PIN4: variants seen among roughly 807,000 people sequenced by gnomAD.
PIN4 encodes the protein peptidyl-prolyl cis-trans isomerase NIMA-interacting 4.
A neutral mutation model predicts 8.3 loss-of-function variants in PIN4; 3 were observed. That is an observed-to-expected ratio of 0.36 (90% CI 0.16 to 0.93). PIN4 has a LOEUF of 0.93. Among genes scored for constraint, PIN4 ranks in the 40% least tolerant of loss-of-function variants. PIN4 has a pLI of 0.44. For synonymous variants in PIN4, 18 were observed against 32.5 expected (o/e 0.55, Z 1.52); for missense variants, 75 against 100.6 (o/e 0.75, Z 1.09).
At chrX:72,187,186 C>T (rs2042707966) in intron 2 of PIN4, among the ~76,000 whole-genome samples, 1 of 111,808 alleles carries the variant, frequency 8.9e-6, no homozygotes, top group African/African-American at 3.2e-5. Flanking sequence ...AATAAACAGG[C>T]AAGGGTGCAG....
intron 3 of PIN4, chrX:72,205,372 T>G: frequency 4.1e-6 from 5 of 1,212,174 alleles, no homozygotes; most frequent in Non-Finnish European, 5.6e-6. Flanking sequence ...ACTGCTTTCC[T>G]CCACCCCTTC....
chrX:72,229,104 C>T (rs890917227), intron 3 of PIN4, among the ~76,000 whole-genome samples: 2 of 111,600 alleles, frequency 1.8e-5, no homozygotes, highest in Non-Finnish European at 3.8e-5. Context: ...CCTCAAGCCT[C>T]AAGACTCTCC....
intron 3 of PIN4, among the ~76,000 whole-genome samples, chrX:72,258,883 G>A (rs1169488680): frequency 4.5e-5 from 5 of 111,044 alleles, no homozygotes; most frequent in Admixed American, 2.9e-4. Flanking sequence ...CTACCATTAC[G>A]TGATTCAAAA....
chrX:72,210,167 A>C (rs928493262), intron 3 of PIN4, among the ~76,000 whole-genome samples: 1 of 100,141 alleles, frequency 1.0e-5, no homozygotes. Context: ...GGAGTTTAAG[A>C]CTAGCCTGAA....
intron 3 of PIN4, among the ~76,000 whole-genome samples, chrX:72,242,935 C>A (rs1329802885): frequency 2.8e-5 from 3 of 108,814 alleles, no homozygotes; most frequent in Middle Eastern, 5.0e-3. Context: ...ATTGCTTGAA[C>A]CCAGGAGGCG....
chrX:72,198,556 G>A (rs2042777913), downstream of PIN4, among the ~76,000 whole-genome samples: 1 of 112,366 alleles, frequency 8.9e-6, no homozygotes, highest in African/African-American at 3.2e-5. Flanking sequence ...ATAGATATAA[G>A]ATGAAACTAT....
chrX:72,181,769 A>G lies in PIN4; in HGVS notation c.-17A>G. On this transcript the variant is annotated 5_prime_UTR_variant, in exon 1 of 4. Coordinates refer to ENST00000373669, the MANE Select transcript of PIN4 (RefSeq NM_006223.4). ...CGGCAACTGGAGCGGTTCAGCGTTC[A>G]ACAACAAGCTTCCAAGATGCCGCCC... The G allele has an allele frequency of 8.3e-7, 1 of 1,200,935 alleles. No homozygotes were observed. The highest frequency in any genetic ancestry group is 1.1e-6 in the Non-Finnish European group (1 of 886,215).
At position 72,198,246 on chromosome X, in the gene PIN4, A is replaced by C; in HGVS notation, c.*720A>C. The C allele has an allele frequency of 1.4e-6, 1 of 730,643 alleles. No homozygotes were observed. The highest frequency in any genetic ancestry group is 1.6e-6 in the Non-Finnish European group (1 of 617,448). The allele number at this position is 730,643 out of a possible 1,213,427, so 60.2% of individuals were successfully genotyped here. A position where few individuals can be genotyped will look rare whatever the true frequency, so the allele number is the denominator to read the frequency against. On this transcript the variant is annotated 3_prime_UTR_variant, in exon 4 of 4. Transcript: ENST00000373669. ...CAATGTTCTGTGCATCTAAATTTTT[A>C]AAATTTAAAATGCCATATTTATGAC...
intron 3 of PIN4, among the ~76,000 whole-genome samples, chrX:72,217,610 A>G (rs1207732772): frequency 8.9e-6 from 1 of 111,751 alleles, no homozygotes; most frequent in Non-Finnish European, 1.9e-5. Flanking sequence ...TGAAATATAC[A>G]TATCTTATAT....
intron 3 of PIN4, among the ~76,000 whole-genome samples, chrX:72,218,792 T>C (rs2042902475): frequency 1.8e-5 from 2 of 112,584 alleles, no homozygotes; most frequent in Non-Finnish European, 3.7e-5. Flanking sequence ...TTGGGAAGTA[T>C]TGCCATTTTA....
intron 1 of PIN4, among the ~76,000 whole-genome samples, chrX:72,185,123 G>A (rs2042693416): frequency 1.3e-5 from 1 of 77,848 alleles, no homozygotes; most frequent in Non-Finnish European, 2.3e-5. Flanking sequence ...CAGCCTGGGC[G>A]ACAGACAGAG....
At chrX:72,231,187 G>T (rs1364466600) in intron 3 of PIN4, among the ~76,000 whole-genome samples, 1 of 111,931 alleles carries the variant, frequency 8.9e-6, no homozygotes, top group African/African-American at 3.2e-5. Flanking sequence ...ACCATCAACA[G>T]GATGAATGGA....
intron 1 of PIN4, 192 bp from the exon 2 acceptor site, chrX:72,186,269 T>C: frequency 4.0e-6 from 2 of 496,051 alleles, no homozygotes; most frequent in South Asian, 2.5e-5. Flanking sequence ...GTATTTTGTG[T>C]GGCCCAAGAT....
At chrX:72,241,391 C>G (rs2043048615) in intron 3 of PIN4, among the ~76,000 whole-genome samples, 2 of 111,789 alleles carry the variant, frequency 1.8e-5, no homozygotes, top group Non-Finnish European at 1.9e-5. Context: ...CTATTCCTTC[C>G]CCTCCAGAGG....
intron 3 of PIN4, among the ~76,000 whole-genome samples, chrX:72,251,091 C>T (rs1163801639): frequency 1.2e-4 from 13 of 104,528 alleles, no homozygotes; most frequent in Admixed American, 9.0e-4. Flanking sequence ...GGTGCGGTGG[C>T]TCACGCCTGT....
intron 3 of PIN4, among the ~76,000 whole-genome samples, chrX:72,233,487 G>C (rs1009950615): frequency 9.0e-6 from 1 of 111,344 alleles, no homozygotes; most frequent in African/African-American, 3.3e-5. Flanking sequence ...ACTTTGGGAG[G>C]CCGAGGCAGG....
At chrX:72,191,211 A>G (rs1417129909) in intron 2 of PIN4, among the ~76,000 whole-genome samples, 1 of 110,656 alleles carries the variant, frequency 9.0e-6, no homozygotes, top group Non-Finnish European at 1.9e-5. Context: ...CTCATCCCAG[A>G]CCAACTGCAT....
intron 3 of PIN4, among the ~76,000 whole-genome samples, chrX:72,221,308 G>C (rs905167413): frequency 1.8e-5 from 2 of 111,852 alleles, no homozygotes; most frequent in South Asian, 7.5e-4. Flanking sequence ...GCTTTCTCAC[G>C]GTACCAGGAA....
At chrX:72,239,190 G>A (rs1040349378) in intron 3 of PIN4, 36 of 350,040 alleles carry the variant, frequency 1.0e-4, no homozygotes, top group Admixed American at 3.6e-4. Context: ...TTCGAGACAC[G>A]GAGTGTGCTG....
Sources: gnomAD v4.1 joint callset for allele counts (sites outside exome capture counted in the v4.1 genomes callset) on GRCh38, gnomAD v4.1.1 for gene constraint, MANE v1.5 for transcripts, NCBI Gene and HGNC (gene_info 2026-07-23, HGNC 2026-07-21) for gene names.